The following TFEC variants were observed in gnomAD, a reference collection of about 807,000 sequenced individuals.
TFEC encodes the protein transcription factor EC.
In TFEC, 31 loss-of-function variants were observed where a neutral mutation model predicts 41.6. That is an observed-to-expected ratio of 0.74 (90% CI 0.56 to 1.01). The LOEUF (loss-of-function observed/expected upper bound fraction) is 1.01. Ranked by LOEUF, TFEC falls within the 50% of genes least tolerant of loss-of-function variation. The pLI is 0.00. For missense variants in TFEC, 402 were observed against 404.1 expected, an observed-to-expected ratio of 0.99 and a Z score of 0.04; for synonymous variants, 143 against 140.6, an observed-to-expected ratio of 1.02 and a Z score of -0.12.
At chr7:115,943,116 C>T (rs1046843034) in intron 6 of TFEC, among the ~76,000 whole-genome samples, 1 of 152,026 alleles carries the variant, frequency 6.6e-6, no homozygotes, top group African/African-American at 2.4e-5. Flanking sequence ...GATAAGAGCT[C>T]TGTTCTACTG....
chr7:116,041,521 T>G (rs1378871347), intron 3 of TFEC, among the ~76,000 whole-genome samples: 1 of 152,150 alleles, frequency 6.6e-6, no homozygotes, highest in African/African-American at 2.4e-5. Context: ...ATTGGAAAAG[T>G]TAACCCCTTG....
chr7:115,984,068 G>T (rs965562875), intron 2 of TFEC, among the ~76,000 whole-genome samples, 194 bp downstream of exon 2: 8 of 151,980 alleles, frequency 5.3e-5, no homozygotes, highest in African/African-American at 4.8e-5. Context: ...TATTAAACAA[G>T]AATTTTTATA....
At chr7:116,115,147 G>C (rs1797951971) in intron 1 of TFEC, among the ~76,000 whole-genome samples, 1 of 151,930 alleles carries the variant, frequency 6.6e-6, no homozygotes, top group Non-Finnish European at 1.5e-5. Context: ...TATTGACTAG[G>C]AACACGGAGC....
intron 3 of TFEC, among the ~76,000 whole-genome samples, chr7:116,054,883 A>G (rs894329598): frequency 6.6e-6 from 1 of 152,126 alleles, no homozygotes; most frequent in African/African-American, 2.4e-5. Flanking sequence ...AAGCAAACAG[A>G]GCAATGAATA....
At position 115,984,385 on chromosome 7, in the gene TFEC, C is replaced by T. The variant is rs34738022; in HGVS notation, c.57G>A (p.Val19=). 2.8e-3 allele frequency: 4,488 copies of T among 1,614,102 alleles called. 120 individuals carry two copies. In the African/African-American group the frequency reaches 0.053, roughly 19 times the overall value. The stretch of plus-strand genomic sequence containing the variant: ...GCTGCACAAGAGGCCCACCACTTGG[C>T]ACTGCAGGTTGTGACCATTTAAGAG... ...NPTLKWSQPA[V]PSGGPLVQHA... Residue 19 remains valine, a synonymous_variant, in exon 2 of 8, where the codon GTG becomes GTA. Transcript: ENST00000265440.
intron 3 of TFEC, among the ~76,000 whole-genome samples, chr7:116,087,365 A>G (rs1048872669): frequency 2.0e-5 from 3 of 152,154 alleles, no homozygotes; most frequent in African/African-American, 7.2e-5. Context: ...GCCCTTCAAA[A>G]TATACATTTT....
chr7:116,069,431 T>A (rs561125336), intron 3 of TFEC, among the ~76,000 whole-genome samples: 3 of 151,696 alleles, frequency 2.0e-5, no homozygotes, highest in African/African-American at 7.2e-5. Flanking sequence ...TACATATTCC[T>A]TCTTTCTGCT....
intron 1 of TFEC, among the ~76,000 whole-genome samples, chr7:115,998,520 A>G (rs1007243670): frequency 1.3e-5 from 2 of 152,014 alleles, no homozygotes; most frequent in African/African-American, 4.8e-5. Flanking sequence ...CTCCAATCAA[A>G]AAAACATAGA....
intron 3 of TFEC, among the ~76,000 whole-genome samples, chr7:116,079,720 G>C (rs538193936): frequency 4.6e-4 from 70 of 151,974 alleles, no homozygotes; most frequent in Non-Finnish European, 8.8e-4. Context: ...ATGCATGAAT[G>C]GGTAGAATCA....
At chr7:116,082,315 A>G (rs1408213007) in intron 3 of TFEC, among the ~76,000 whole-genome samples, 1 of 152,022 alleles carries the variant, frequency 6.6e-6, no homozygotes, top group Non-Finnish European at 1.5e-5. Flanking sequence ...CAAATTTAGC[A>G]TAACATATCA....
intron 3 of TFEC, among the ~76,000 whole-genome samples, chr7:116,051,109 G>T (rs1190570945): frequency 6.6e-6 from 1 of 152,072 alleles, no homozygotes; most frequent in Non-Finnish European, 1.5e-5. Context: ...AGAACACTTG[G>T]ATGCAGGGTG....
intron 3 of TFEC, among the ~76,000 whole-genome samples, chr7:116,083,978 A>G (rs563543031): frequency 1.3e-5 from 2 of 152,058 alleles, no homozygotes; most frequent in East Asian, 1.9e-4. Context: ...CACAGGGCCA[A>G]TTACGAACAT....
intron 1 of TFEC, among the ~76,000 whole-genome samples, chr7:116,018,258 T>C (rs1795267699): frequency 6.6e-6 from 1 of 152,176 alleles, no homozygotes; most frequent in South Asian, 2.1e-4. Flanking sequence ...AGAGCCAGAA[T>C]TTGAATGCAG....
At chr7:115,950,155 G>A (rs527462419) in intron 6 of TFEC, among the ~76,000 whole-genome samples, 1 of 151,826 alleles carries the variant, frequency 6.6e-6, no homozygotes, top group Admixed American at 6.6e-5. Context: ...GGGATTACAG[G>A]CATGCACCAC....
intron 1 of TFEC, among the ~76,000 whole-genome samples, chr7:116,133,777 T>C (rs1416136835): frequency 6.6e-6 from 1 of 152,146 alleles, no homozygotes; most frequent in Non-Finnish European, 1.5e-5. Context: ...TATGGTACTG[T>C]AGTAAACGCT....
At chr7:115,987,063 A>T (rs190567684) in intron 1 of TFEC, among the ~76,000 whole-genome samples, 34 of 152,260 alleles carry the variant, frequency 2.2e-4, no homozygotes, top group Non-Finnish European at 4.3e-4. Context: ...TCTTCAGGCC[A>T]CTCTATACAG....
intron 1 of TFEC, among the ~76,000 whole-genome samples, chr7:116,143,919 T>C (rs1199306853): frequency 2.0e-5 from 3 of 152,162 alleles, no homozygotes; most frequent in Non-Finnish European, 4.4e-5. Flanking sequence ...CACTCAGCTA[T>C]TAAGAAAAGG....
chr7:116,074,027 G>A (rs2131032152), intron 3 of TFEC, among the ~76,000 whole-genome samples: 1 of 151,938 alleles, frequency 6.6e-6, no homozygotes, highest in African/African-American at 2.4e-5. Flanking sequence ...GCAAAAGAAG[G>A]AAGTGGACCC....
In TFEC at chr7:115,979,270, CTG is replaced by C. The variant is rs1584628521; in HGVS notation, c.180+4990_180+4991del. Reference sequence around the variant, plus strand: ...TGTTTAACATGGAGTACTAGCCTCTCTGTAATTTGCTGATTACTTACTTCTTT... The same window carrying C: ...TGTTTAACATGGAGTACTAGCCTCTCTAATTTGCTGATTACTTACTTCTTT... On this transcript the variant is annotated intron_variant, in intron 2 of 7. Coordinates refer to ENST00000265440, the MANE Select transcript of TFEC (RefSeq NM_012252.4). Among the ~76,000 whole-genome samples, 6 of 152,254 alleles carry C rather than the reference CTG, an allele frequency of 3.9e-5. 1 individual carries two copies. In the South Asian group the frequency reaches 1.2e-3, roughly 32 times the overall value.
Sources: gnomAD v4.1 joint callset for allele counts (sites outside exome capture counted in the v4.1 genomes callset) on GRCh38, gnomAD v4.1.1 for gene constraint, MANE v1.5 for transcripts, NCBI Gene and HGNC (gene_info 2026-07-23, HGNC 2026-07-21) for gene names.